The following ADCK1 variants were observed in gnomAD, a reference collection of about 807,000 sequenced individuals.
The protein encoded by ADCK1 is aarF domain-containing protein kinase 1.
In ADCK1, 41 loss-of-function variants were observed where a neutral mutation model predicts 52.3. The ratio of observed to expected loss-of-function variants is 0.78; its 90% CI spans 0.61 to 1.02. The LOEUF is 1.02. Ranked by LOEUF, ADCK1 falls within the 50% of genes least tolerant of loss-of-function variation. The pLI is 0.00. For synonymous variants in ADCK1, 250 were observed against 274.6 expected, an observed-to-expected ratio of 0.91 and a Z score of 0.89; for missense variants, 658 against 679.5, an observed-to-expected ratio of 0.97 and a Z score of 0.35.
At chr14:77,820,699 A>G (rs915979620) in intron 2 of ADCK1, among the ~76,000 whole-genome samples, 4 of 151,374 alleles carry the variant, frequency 2.6e-5, no homozygotes, top group Non-Finnish European at 5.9e-5. Context: ...AGTAATGCCT[A>G]CAGTAATAGG....
chr14:77,903,499 G>T (rs1348825253), intron 6 of ADCK1, among the ~76,000 whole-genome samples: 1 of 152,236 alleles, frequency 6.6e-6, no homozygotes, highest in African/African-American at 2.4e-5. Context: ...CAGGGGGACT[G>T]GGAGAGGGTG....
intron 6 of ADCK1, among the ~76,000 whole-genome samples, chr14:77,904,668 G>A (rs1174721256): frequency 6.6e-6 from 1 of 152,240 alleles, no homozygotes; most frequent in Admixed American, 6.5e-5. Context: ...GGTCCAGATT[G>A]GCATCCGTGT....
At chr14:77,816,894 A>ATATATATATATATATATATG (rs1378031177) in intron 1 of ADCK1, among the ~76,000 whole-genome samples, 2 of 144,772 alleles carry the variant, frequency 1.4e-5, no homozygotes, top group East Asian at 4.0e-4. Flanking sequence ...ATATATATAT[A>ATATATATATATATATATATG]TATATATATT....
rs905422403 is a variant in ADCK1, at chr14:77,931,567, A to G, written c.1256A>G (p.His419Arg). Residue 419 changes from histidine (H) to arginine (R), a missense_variant, in exon 10 of 11, where the codon CAT becomes CGT. Physicochemically the swap from His to Arg is conservative, Grantham distance 29. Coordinates refer to ENST00000238561, the MANE Select transcript of ADCK1 (RefSeq NM_020421.4). ...NAANYLPQIS[H>R]LLNHVPRQML... is the part of the protein sequence containing the mutation. ...GCCAACTACCTCCCCCAGATCAGCC[A>G]TCTCCTCAACCACGTGCCGCGCCAG... is the stretch of plus-strand genomic sequence containing the variant. 12 of 1,613,932 alleles carry G rather than the reference A, an allele frequency of 7.4e-6. No homozygotes were observed. The highest frequency in any genetic ancestry group is 1.0e-5 in the Non-Finnish European group (12 of 1,180,018).
intron 3 of ADCK1, among the ~76,000 whole-genome samples, chr14:77,853,277 G>A (rs1176887202): frequency 6.6e-6 from 1 of 151,646 alleles, no homozygotes; most frequent in Non-Finnish European, 1.5e-5. Context: ...ATGCCACCGT[G>A]TCTAGCTAAT....
chr14:77,836,182 T>C (rs1464762318), intron 3 of ADCK1, among the ~76,000 whole-genome samples: 1 of 152,246 alleles, frequency 6.6e-6, no homozygotes, highest in African/African-American at 2.4e-5. Flanking sequence ...GCTCTCTGAC[T>C]CTTCTACCTT....
chr14:77,909,188 T>G (rs1218467496), intron 7 of ADCK1, among the ~76,000 whole-genome samples: 1 of 139,010 alleles, frequency 7.2e-6, no homozygotes, highest in Non-Finnish European at 1.5e-5. Context: ...TAGGCTGGAG[T>G]GCAATGGCGC....
chr14:77,925,722 G>T, intron 8 of ADCK1, 42 bp from the exon 9 acceptor site: 1 of 1,600,092 alleles, frequency 6.2e-7, no homozygotes, highest in South Asian at 1.1e-5. Context: ...CCTTTGGTGG[G>T]GAGACGAGGC....
chr14:77,806,038 C>G (rs920613475), intron 1 of ADCK1, among the ~76,000 whole-genome samples: 1 of 126,658 alleles, frequency 7.9e-6, no homozygotes, highest in Admixed American at 9.7e-5. Flanking sequence ...TTGCTGGGTG[C>G]GGTGGCTCAC....
chr14:77,850,742 C>G (rs991695723), intron 3 of ADCK1, among the ~76,000 whole-genome samples: 4 of 151,250 alleles, frequency 2.6e-5, no homozygotes, highest in Admixed American at 6.6e-5. Context: ...ACTCCACCTC[C>G]CGGATTCACG....
intron 3 of ADCK1, among the ~76,000 whole-genome samples, chr14:77,839,217 G>A (rs1213686500): frequency 6.6e-6 from 1 of 152,204 alleles, no homozygotes; most frequent in Non-Finnish European, 1.5e-5. Context: ...AATGATCAAA[G>A]GACTAGCAAG....
chr14:77,824,145 G>C (rs2081641323), intron 3 of ADCK1, among the ~76,000 whole-genome samples: 1 of 151,890 alleles, frequency 6.6e-6, no homozygotes, highest in Non-Finnish European at 1.5e-5. Context: ...GTGATCCGCC[G>C]CCTCAGCCTC....
At chr14:77,907,772 A>T in intron 6 of ADCK1, 31 bp from the exon 7 acceptor site, 1 of 1,563,860 alleles carries the variant, frequency 6.4e-7, no homozygotes, top group Non-Finnish European at 8.8e-7. Flanking sequence ...CAGCTTCCCC[A>T]GACCATCTGA....
chr14:77,872,674 C>A (rs1368377594), intron 4 of ADCK1, among the ~76,000 whole-genome samples: 1 of 118,668 alleles, frequency 8.4e-6, no homozygotes, highest in Non-Finnish European at 1.8e-5. Context: ...CCTTTCCCCA[C>A]TCCTTTTTTT....
chr14:77,928,861 A>G (rs962989993), intron 9 of ADCK1, among the ~76,000 whole-genome samples: 3 of 152,184 alleles, frequency 2.0e-5, no homozygotes, highest in African/African-American at 4.8e-5. Context: ...ACCTTTGCCA[A>G]AAGTCACCCC....
At position 77,859,294 on chromosome 14, in the gene ADCK1, AG is replaced by A; in HGVS notation, c.423+21del. 1 of 1,610,500 alleles carries A rather than the reference AG, an allele frequency of 6.2e-7. No individual in the cohort carries two copies. Among genetic ancestry groups the A allele is most frequent in the Non-Finnish European group, 8.5e-7 (1 of 1,178,138 alleles). On this transcript the variant is annotated intron_variant, in intron 4 of 10. Transcript: ENST00000238561. ...TGGGCAAGGAGGTACCCACCTTTGC[AG>A]GGGGGATGGGCCTTGGTTGGGATGC...
intron 3 of ADCK1, among the ~76,000 whole-genome samples, chr14:77,857,858 A>G (rs2082454196): frequency 6.6e-6 from 1 of 152,194 alleles, no homozygotes; most frequent in African/African-American, 2.4e-5. Flanking sequence ...GGAGGCAGGT[A>G]CCAGGTCCCC....
At chr14:77,926,573 G>A (rs112581796) in intron 9 of ADCK1, among the ~76,000 whole-genome samples, 9,551 of 152,194 alleles carry the variant, frequency 0.063, 524 homozygotes, top group African/African-American at 0.15. Context: ...CTCTGCCTCC[G>A]GGGTTCAAGC....
chr14:77,900,706 C>T (rs974009924), intron 6 of ADCK1: 4 of 419,048 alleles, frequency 9.5e-6, no homozygotes, highest in Admixed American at 7.9e-5. Context: ...CAATGTGGCA[C>T]GGCTCTGCTG....
Sources: allele counts gnomAD v4.1 joint callset (sites outside exome capture counted in the v4.1 genomes callset), GRCh38; gene constraint gnomAD v4.1.1; transcripts MANE v1.5; gene names NCBI Gene and HGNC (gene_info 2026-07-23, HGNC 2026-07-21).